The following ASIC2 variants were observed in gnomAD, a reference collection of about 807,000 sequenced individuals.
ASIC2 encodes acid sensing ion channel subunit 2.
ASIC2 carries 25 observed loss-of-function variants against 57.3 expected under a neutral mutation model. That is an observed-to-expected ratio of 0.44 (90% CI 0.32 to 0.61). The LOEUF (loss-of-function observed/expected upper bound fraction) is 0.61, where lower values mean the gene tolerates loss of function less well. Ranked by LOEUF, ASIC2 falls within the 20% of genes least tolerant of loss-of-function variation. The pLI is 0.06. For missense variants in ASIC2, 641 were observed against 738.1 expected, an observed-to-expected ratio of 0.87 and a Z score of 1.52; for synonymous variants, 319 against 307.5, an observed-to-expected ratio of 1.04 and a Z score of -0.39.
intron 1 of ASIC2, chr17:33,529,718 T>C (rs964049288): frequency 6.6e-6 from 1 of 152,234 alleles, no homozygotes; most frequent in Non-Finnish European, 1.5e-5. Context: ...TTTAACACAG[T>C]GCTTAGAACA....
chr17:33,890,600 G>C (rs963255419), intron 1 of ASIC2, among the ~76,000 whole-genome samples: 2 of 152,166 alleles, frequency 1.3e-5, no homozygotes, highest in African/African-American at 4.8e-5. Flanking sequence ...TTGGATCTGG[G>C]CATGCTGCTT....
chr17:33,789,993 C>T (rs1911720755), intron 1 of ASIC2, among the ~76,000 whole-genome samples: 1 of 152,080 alleles, frequency 6.6e-6, no homozygotes, highest in Non-Finnish European at 1.5e-5. Context: ...TGTACTGAGC[C>T]AGAAGCTCTG....
At chr17:33,596,840 C>T (rs1298417234) in intron 1 of ASIC2, among the ~76,000 whole-genome samples, 1 of 152,166 alleles carries the variant, frequency 6.6e-6, no homozygotes, top group African/African-American at 2.4e-5. Context: ...TACAAGAGTC[C>T]TGGGCAGGGC....
chr17:33,960,357 T>A (rs1022175589), intron 1 of ASIC2, among the ~76,000 whole-genome samples: 1 of 152,214 alleles, frequency 6.6e-6, no homozygotes, highest in African/African-American at 2.4e-5. Context: ...ATACATTTCC[T>A]TTCTCTCAAA....
At chr17:33,115,868 G>C (rs962449396) in intron 1 of ASIC2, among the ~76,000 whole-genome samples, 3 of 152,186 alleles carry the variant, frequency 2.0e-5, no homozygotes, top group African/African-American at 7.2e-5. Context: ...GAATGAATGA[G>C]AGTCAAGGTG....
intron 1 of ASIC2, among the ~76,000 whole-genome samples, chr17:33,195,191 G>A (rs1906575095): frequency 6.6e-6 from 1 of 152,098 alleles, no homozygotes; most frequent in Non-Finnish European, 1.5e-5. Context: ...CTGAGCACAG[G>A]CAGCTGGCAC....
intron 1 of ASIC2, among the ~76,000 whole-genome samples, chr17:33,521,122 G>A (rs1914727336): frequency 6.6e-6 from 1 of 152,132 alleles, no homozygotes; most frequent in Admixed American, 6.5e-5. Context: ...GTGGCGAACT[G>A]GCAGATTAGG....
intron 1 of ASIC2, among the ~76,000 whole-genome samples, chr17:33,926,507 A>C (rs1915824865): frequency 6.6e-6 from 1 of 152,220 alleles, no homozygotes; most frequent in Non-Finnish European, 1.5e-5. Flanking sequence ...AGTTTTGTGC[A>C]TAAAACAAAG....
intron 1 of ASIC2, among the ~76,000 whole-genome samples, chr17:33,992,679 G>A (rs1278598679): frequency 6.6e-6 from 1 of 152,114 alleles, no homozygotes; most frequent in Non-Finnish European, 1.5e-5. Flanking sequence ...GTCATGGTGG[G>A]GATATTTATA....
intron 1 of ASIC2, among the ~76,000 whole-genome samples, chr17:33,694,307 G>A (rs537140822): frequency 2.6e-5 from 4 of 152,272 alleles, no homozygotes; most frequent in East Asian, 1.9e-4. Flanking sequence ...CTCCTCCACC[G>A]TCAACAGAAT....
chr17:34,000,988 G>C (rs1906320851), intron 1 of ASIC2: 1 of 151,848 alleles, frequency 6.6e-6, no homozygotes, highest in African/African-American at 2.4e-5. Flanking sequence ...TTCTGATTTT[G>C]TTTACTTTTC....
chr17:33,792,698 A>T (rs1176962812), intron 1 of ASIC2: 1 of 152,232 alleles, frequency 6.6e-6, no homozygotes, highest in Non-Finnish European at 1.5e-5. Flanking sequence ...ACAGTGGCTT[A>T]TGAAGTGGTC....
chr17:33,326,041 T>C (rs1907063985), intron 1 of ASIC2, among the ~76,000 whole-genome samples: 1 of 152,100 alleles, frequency 6.6e-6, no homozygotes, highest in Non-Finnish European at 1.5e-5. Context: ...AAAATTGAGA[T>C]CCAGAGAGGT....
intron 1 of ASIC2, among the ~76,000 whole-genome samples, chr17:34,088,933 G>A (rs938200301): frequency 5.3e-5 from 8 of 152,170 alleles, no homozygotes; most frequent in African/African-American, 7.2e-5. Context: ...TCCAGGTGCC[G>A]TCTGTCACCC....
intron 1 of ASIC2, among the ~76,000 whole-genome samples, chr17:33,131,192 A>G (rs527402066): frequency 6.6e-6 from 1 of 152,330 alleles, no homozygotes; most frequent in Admixed American, 6.5e-5. Context: ...TTCAAACGCC[A>G]GCTACCACTG....
At chr17:33,175,522 A>G (rs933991911) in intron 1 of ASIC2, among the ~76,000 whole-genome samples, 5 of 108,158 alleles carry the variant, frequency 4.6e-5, no homozygotes, top group African/African-American at 1.6e-4. Context: ...TAAGAAAAAT[A>G]CCCTACTTTT....
At chr17:33,301,694 A>G (rs566523600) in intron 1 of ASIC2, among the ~76,000 whole-genome samples, 1 of 152,348 alleles carries the variant, frequency 6.6e-6, no homozygotes, top group East Asian at 1.9e-4. Flanking sequence ...AATTATTAAA[A>G]GGCAATTTAA....
chr17:33,194,223 C>G (rs530708103), intron 1 of ASIC2, among the ~76,000 whole-genome samples: 1 of 152,192 alleles, frequency 6.6e-6, no homozygotes, highest in Non-Finnish European at 1.5e-5. Flanking sequence ...CTTTTCTGCA[C>G]GCTAAAAAGC....
At chr17:33,738,566 G>A (rs1043337127) in intron 1 of ASIC2, among the ~76,000 whole-genome samples, 2 of 152,150 alleles carry the variant, frequency 1.3e-5, no homozygotes, top group African/African-American at 4.8e-5. Context: ...TTCCCCCAGT[G>A]GTAGCTGGCT....
Sources: gnomAD v4.1 joint callset for allele counts (sites outside exome capture counted in the v4.1 genomes callset) on GRCh38, gnomAD v4.1.1 for gene constraint, MANE v1.5 for transcripts, NCBI Gene and HGNC (gene_info 2026-07-23, HGNC 2026-07-21) for gene names.